The following VKORC1L1 variants were observed in gnomAD, a reference collection of about 807,000 sequenced individuals.
VKORC1L1 encodes the protein vitamin K epoxide reductase complex subunit 1-like protein 1.
In VKORC1L1, 2 loss-of-function variants were observed where a neutral mutation model predicts 18.9. The ratio of observed to expected loss-of-function variants is 0.11; its 90% CI spans 0.04 to 0.33. The LOEUF (loss-of-function observed/expected upper bound fraction) is 0.33, where lower values mean the gene tolerates loss of function less well. Ranked by LOEUF, VKORC1L1 falls within the 10% of genes least tolerant of loss-of-function variation. The pLI, the probability that VKORC1L1 is intolerant of heterozygous loss-of-function variation, is 1.00. For missense variants in VKORC1L1, 123 were observed against 224.1 expected, an observed-to-expected ratio of 0.55 and a Z score of 2.88; for synonymous variants, 96 against 100.0, an observed-to-expected ratio of 0.96 and a Z score of 0.24.
At chr7:65,917,086 C>T (rs1311007475) in intron 1 of VKORC1L1, among the ~76,000 whole-genome samples, 1 of 152,054 alleles carries the variant, frequency 6.6e-6, no homozygotes, top group African/African-American at 2.4e-5. Context: ...TTACTTAATT[C>T]CTCATTTTAC....
chr7:65,918,044 T>C (rs1339017100), intron 1 of VKORC1L1, among the ~76,000 whole-genome samples: 1 of 152,208 alleles, frequency 6.6e-6, no homozygotes, highest in Non-Finnish European at 1.5e-5. Context: ...ATAGTGCCAC[T>C]GTTGATGAGC....
At chr7:65,880,737 G>C (rs902208635) in intron 1 of VKORC1L1, among the ~76,000 whole-genome samples, 1 of 152,158 alleles carries the variant, frequency 6.6e-6, no homozygotes, top group Non-Finnish European at 1.5e-5. Context: ...GAGAAGAACA[G>C]CAAGTGGTCA....
At chr7:65,883,818 T>A in intron 1 of VKORC1L1, among the ~76,000 whole-genome samples, 1 of 152,110 alleles carries the variant, frequency 6.6e-6, no homozygotes, top group Non-Finnish European at 1.5e-5. Flanking sequence ...ATGTTATAGA[T>A]GCACATAAAA....
intron 2 of VKORC1L1, among the ~76,000 whole-genome samples, chr7:65,950,803 G>T (rs573528390): frequency 6.6e-6 from 1 of 152,222 alleles, no homozygotes; most frequent in East Asian, 1.9e-4. Flanking sequence ...TAGGATAAAC[G>T]TGTTTGTATA....
At chr7:65,886,202 T>C (rs1055527012) in intron 1 of VKORC1L1, among the ~76,000 whole-genome samples, 1 of 152,246 alleles carries the variant, frequency 6.6e-6, no homozygotes, top group African/African-American at 2.4e-5. Flanking sequence ...TCATGATATA[T>C]GGTATATGTA....
chr7:65,889,557 CG>C (rs1789075784), intron 1 of VKORC1L1, among the ~76,000 whole-genome samples: 1 of 144,134 alleles, frequency 6.9e-6, no homozygotes, highest in Non-Finnish European at 1.5e-5. Context: ...AATCATTGAG[CG>C]GTGCATCTTT....
At chr7:65,895,516 TACAC>T (rs1554395162) in intron 1 of VKORC1L1, among the ~76,000 whole-genome samples, 7 of 71,602 alleles carry the variant, frequency 9.8e-5, no homozygotes, top group South Asian at 1.2e-3. Flanking sequence ...TATATATATA[TACAC>T]ACACACACAC....
At chr7:65,944,975 T>G (rs1790094387) in intron 1 of VKORC1L1, among the ~76,000 whole-genome samples, 1 of 151,786 alleles carries the variant, frequency 6.6e-6, no homozygotes. Flanking sequence ...AAGATAATAT[T>G]TAGGGCTGGG....
chr7:65,883,688 TG>T (rs1788965755), intron 1 of VKORC1L1, among the ~76,000 whole-genome samples: 1 of 151,224 alleles, frequency 6.6e-6, no homozygotes, highest in Non-Finnish European at 1.5e-5. Flanking sequence ...TTAATAGAGA[TG>T]GGGTTTCACC....
At chr7:65,885,904 C>T (rs1446795159) in intron 1 of VKORC1L1, among the ~76,000 whole-genome samples, 1 of 152,146 alleles carries the variant, frequency 6.6e-6, no homozygotes, top group Non-Finnish European at 1.5e-5. Flanking sequence ...TAAGACAAAT[C>T]CCACTGAGAT....
In VKORC1L1 at chr7:65,873,251, C is replaced by A. The variant is rs1379638046; in HGVS notation, c.-121C>A. ...AGCCAATGGGGCGCGGCGGCGGCGG[C>A]GGCGGTGGTGGCGGCGGCGGCGGAG... On this transcript the variant is annotated 5_prime_UTR_variant, in exon 1 of 3. Coordinates refer to ENST00000360768, the MANE Select transcript of VKORC1L1 (RefSeq NM_173517.6). 14 of 969,502 alleles carry A rather than the reference C, an allele frequency of 1.4e-5. No homozygotes were observed. The East Asian group carries it at 5.6e-4, about 39-fold the overall frequency. The allele number at this position is 969,502 out of a possible 1,614,324, so 60.1% of individuals were successfully genotyped here. A position where few individuals can be genotyped will look rare whatever the true frequency, so the allele number is the denominator to read the frequency against.
At chr7:65,879,781 CCTT>C (rs1401336064) in intron 1 of VKORC1L1, among the ~76,000 whole-genome samples, 1 of 150,876 alleles carries the variant, frequency 6.6e-6, no homozygotes, top group Non-Finnish European at 1.5e-5. Context: ...CTTCCTTCCT[CCTT>C]CGTTCCTTGC....
rs1790354633 is a variant in VKORC1L1 at position 65,959,224 on chromosome 7, G to C, written c.*4924G>C. The C allele has an allele frequency of 1.3e-5, 2 of 152,316 alleles. No homozygotes were observed. Among genetic ancestry groups the C allele is most frequent in the Non-Finnish European group, 2.9e-5 (2 of 68,138 alleles). 9.4% of individuals were successfully genotyped at this position (152,316 alleles called of 1,614,324 possible). ...GGAAGCTGAGGCAGGAGAATTGCTT[G>C]AACCAGGGAGGCGGAGGTTGCAGTG... On this transcript the variant is annotated 3_prime_UTR_variant, in exon 3 of 3. Coordinates refer to ENST00000360768, the MANE Select transcript of VKORC1L1 (RefSeq NM_173517.6).
rs576574161 is a variant in VKORC1L1, at chr7:65,896,193, C to T, written c.194+22628C>T. On this transcript the variant is annotated intron_variant, in intron 1 of 2. Coordinates refer to ENST00000360768, the MANE Select transcript of VKORC1L1 (RefSeq NM_173517.6). ...TGCTAGGATTTTAGGTGTGAGCCAC[C>T]GCGCCCAGCCATTATCTCACTTCTT... Among the ~76,000 whole-genome samples the T allele has an allele frequency of 1.3e-4, 20 of 151,830 alleles. No individual in the cohort carries two copies. The Middle Eastern group carries it at 0.017, about 129-fold the overall frequency.
chr7:65,886,668 G>C (rs932272331), intron 1 of VKORC1L1, among the ~76,000 whole-genome samples: 9 of 151,732 alleles, frequency 5.9e-5, no homozygotes. Context: ...ATCCTGAGTA[G>C]CTGGGACTAC....
Position 65,915,414 on chromosome 7 carries a change from CT to C in VKORC1L1, c.195-33242del, listed in dbSNP as rs77683293. Among the ~76,000 whole-genome samples, 933 of 132,468 alleles carry C rather than the reference CT, an allele frequency of 7.0e-3. 1 individual carries two copies. Among genetic ancestry groups the C allele is most frequent in the Middle Eastern group, 0.013 (3 of 240 alleles). The allele number at this position is 132,468 out of a possible 152,430, so 86.9% of individuals were successfully genotyped here. ...CCTTTGTGAGCTTATTTTCTGAACT[CT>C]TTTTTTTTTTTTTTAGATGGAGTCT... On this transcript the variant is annotated intron_variant, in intron 1 of 2. Transcript: ENST00000360768.
At chr7:65,914,811 C>T (rs542721355) in intron 1 of VKORC1L1, among the ~76,000 whole-genome samples, 3 of 152,026 alleles carry the variant, frequency 2.0e-5, no homozygotes, top group Non-Finnish European at 4.4e-5. Context: ...TGAGACCAGC[C>T]CGGGTAACAT....
chr7:65,908,328 G>T (rs529325976), intron 1 of VKORC1L1, among the ~76,000 whole-genome samples: 1 of 152,024 alleles, frequency 6.6e-6, no homozygotes, highest in South Asian at 2.1e-4. Context: ...CAGGAGAATC[G>T]CTTGAACCCG....
chr7:65,944,340 G>T (rs533775886), intron 1 of VKORC1L1, among the ~76,000 whole-genome samples: 1 of 152,092 alleles, frequency 6.6e-6, no homozygotes, highest in Non-Finnish European at 1.5e-5. Context: ...CTACACTCTG[G>T]CCTGGGTGAC....
Sources: allele counts gnomAD v4.1 joint callset (sites outside exome capture counted in the v4.1 genomes callset), GRCh38; gene constraint gnomAD v4.1.1; transcripts MANE v1.5; gene names NCBI Gene and HGNC (gene_info 2026-07-23, HGNC 2026-07-21).